SAMHD1: variants seen among roughly 807,000 people sequenced by gnomAD.
SAMHD1 encodes SAM and HD domain containing deoxynucleoside triphosphate triphosphohydrolase 1.
Under a neutral mutation model 79.6 loss-of-function variants are expected in SAMHD1, and 54 were observed. The ratio of observed to expected loss-of-function variants is 0.68; its 90% CI spans 0.55 to 0.85. The LOEUF (loss-of-function observed/expected upper bound fraction) is 0.85. Ranked by LOEUF, SAMHD1 falls within the 40% of genes least tolerant of loss-of-function variation. The probability of loss-of-function intolerance (pLI) is 0.00; values close to 1 mark genes in which losing one functional copy is unlikely to be tolerated. For missense variants in SAMHD1, 663 were observed against 782.7 expected, an observed-to-expected ratio of 0.85 and a Z score of 1.82; for synonymous variants, 260 against 264.1, an observed-to-expected ratio of 0.98 and a Z score of 0.15.
In SAMHD1 at chr20:36,892,802, T is replaced by C; in HGVS notation, c.*130A>G. 1 of 1,182,000 alleles carries C rather than the reference T, an allele frequency of 8.5e-7. No homozygotes were observed. Among genetic ancestry groups the C allele is most frequent in the South Asian group, 1.2e-5 (1 of 81,502 alleles). The allele number at this position is 1,182,000 out of a possible 1,614,324, so 73.2% of individuals were successfully genotyped here. Reference sequence around the variant, plus strand: ...TTTCTTTGATTAAAAGTTACTTAGCTTCAGCATGCGTGTACATTCAAAATA... The same window carrying C: ...TTTCTTTGATTAAAAGTTACTTAGCCTCAGCATGCGTGTACATTCAAAATA... On this transcript the variant is annotated 3_prime_UTR_variant, in exon 16 of 16. Coordinates refer to ENST00000646673, the MANE Select transcript of SAMHD1 (RefSeq NM_015474.4).
At chr20:36,900,130 A>G (rs1479542943) in intron 13 of SAMHD1, among the ~76,000 whole-genome samples, 3 of 152,070 alleles carry the variant, frequency 2.0e-5, no homozygotes, top group African/African-American at 7.2e-5. Flanking sequence ...GGCAACTCTT[A>G]GAACTTTGGC....
intron 4 of SAMHD1, among the ~76,000 whole-genome samples, chr20:36,932,352 CAAAAAAAAAAAA>C (rs71186091): frequency 2.9e-5 from 1 of 34,180 alleles, no homozygotes; most frequent in African/African-American, 1.5e-4. Flanking sequence ...ACTCCGTCTC[CAAAAAAAAAAAA>C]AAAAAAAAAG....
intron 13 of SAMHD1, chr20:36,903,831 G>C: frequency 4.5e-6 from 1 of 223,870 alleles, no homozygotes; most frequent in Non-Finnish European, 8.9e-6. Flanking sequence ...GATTACAGGC[G>C]TGAGCCACCG....
chr20:36,948,504 C>T (rs1174212945), intron 1 of SAMHD1, among the ~76,000 whole-genome samples: 6 of 151,840 alleles, frequency 4.0e-5, no homozygotes, highest in East Asian at 2.0e-4. Context: ...CTACCTGCTT[C>T]GGCCTTCCAA....
chr20:36,898,595 C>T, intron 13 of SAMHD1, 51 bp from the exon 14 acceptor site: 1 of 1,381,408 alleles, frequency 7.2e-7, no homozygotes, highest in Non-Finnish European at 1.0e-6. Context: ...GAGAACTGAA[C>T]TCAGGGCTGT....
rs71186089 is a variant in SAMHD1 at position 36,912,889 on chromosome 20, G to GTTTTTTT, written c.1063-344_1063-338dup. 3.6e-3 allele frequency among the ~76,000 whole-genome samples: 149 copies of GTTTTTTT among 41,096 alleles called. 41 individuals are homozygous for GTTTTTTT. Among genetic ancestry groups the GTTTTTTT allele is most frequent in the African/African-American group, 0.012 (113 of 9,538 alleles). 27.0% of individuals were successfully genotyped at this position (41,096 alleles called of 152,430 possible). A position where few individuals can be genotyped will look rare whatever the true frequency, so the allele number is the denominator to read the frequency against. On this transcript the variant is annotated intron_variant, in intron 9 of 15. Coordinates refer to ENST00000646673, the MANE Select transcript of SAMHD1 (RefSeq NM_015474.4). ...TGTACCCAGCTAACTTTCATTCTTT[G>GTTTTTTT]TTTTTTTTTTTTTTTTTTTTTTTTT...
At chr20:36,897,504 C>A in intron 15 of SAMHD1, 1 of 401,738 alleles carries the variant, frequency 2.5e-6, no homozygotes, top group Non-Finnish European at 4.7e-6. Flanking sequence ...CTTTGGTAAC[C>A]TCTGAAAGAT....
In SAMHD1 at chr20:36,933,313, T is replaced by C. The variant is rs186583501; in HGVS notation, c.509+1716A>G. Reference sequence around the variant, plus strand: ...ACCAACGTCTCAGCTTAGTTGTATGTAACAGAGGCATCGCCTTCTCTAAGA... The same window carrying C: ...ACCAACGTCTCAGCTTAGTTGTATGCAACAGAGGCATCGCCTTCTCTAAGA... On this transcript the variant is annotated intron_variant, in intron 4 of 15. Transcript: ENST00000646673. 1.9e-3 allele frequency among the ~76,000 whole-genome samples: 287 copies of C among 152,316 alleles called. 1 individual carries two copies. Among genetic ancestry groups the C allele is most frequent in the African/African-American group, 6.4e-3 (267 of 41,566 alleles).
chr20:36,906,943 C>T (rs2063408489), intron 11 of SAMHD1, among the ~76,000 whole-genome samples: 1 of 151,822 alleles, frequency 6.6e-6, no homozygotes, highest in Admixed American at 6.6e-5. Flanking sequence ...AGGTACATGC[C>T]ACCACACCCA....
chr20:36,940,876 T>A, intron 3 of SAMHD1, 163 bp downstream of exon 3: 1 of 647,130 alleles, frequency 1.5e-6, no homozygotes, highest in Non-Finnish European at 2.8e-6. Context: ...ATTTAAATAC[T>A]CTGTGCTCAT....
At chr20:36,951,325 G>A (rs2063732939) in intron 1 of SAMHD1, 111 bp downstream of exon 1, 1 of 1,489,224 alleles carries the variant, frequency 6.7e-7, no homozygotes, top group Non-Finnish European at 9.1e-7. Context: ...GCCTCCCGCC[G>A]CAGGGCTCGC....
chr20:36,934,285 G>T (rs1387971669), intron 4 of SAMHD1, among the ~76,000 whole-genome samples: 2 of 150,916 alleles, frequency 1.3e-5, no homozygotes, highest in Non-Finnish European at 3.0e-5. Flanking sequence ...CAGTACTTTG[G>T]GAGGCCGAGG....
intron 6 of SAMHD1, 101 bp downstream of exon 6, chr20:36,927,081 G>T: frequency 2.0e-6 from 2 of 1,015,888 alleles, no homozygotes; most frequent in Non-Finnish European, 3.1e-6. Context: ...TAATGGGGAA[G>T]TATTTTATAA....
At position 36,942,721 on chromosome 20, in the gene SAMHD1, A is replaced by G. The variant is rs573400199; in HGVS notation, c.276-1610T>C. 4.0e-5 allele frequency among the ~76,000 whole-genome samples: 6 copies of G among 151,538 alleles called. No homozygotes were observed. In the East Asian group the frequency reaches 9.8e-4, roughly 25 times the overall value. The stretch of plus-strand genomic sequence containing the variant: ...GAGTGCAGTGACGTGATCTCGGCTC[A>G]CTGCAAGCTCCACCTCCCGGGTTCA... On this transcript the variant is annotated intron_variant, in intron 2 of 15. Coordinates refer to ENST00000646673, the MANE Select transcript of SAMHD1 (RefSeq NM_015474.4).
At chr20:36,929,232 A>G (rs1413867079) in intron 5 of SAMHD1, among the ~76,000 whole-genome samples, 2 of 152,026 alleles carry the variant, frequency 1.3e-5, no homozygotes, top group African/African-American at 4.8e-5. Context: ...CCAAGAATCC[A>G]TCAAATTTAT....
intron 13 of SAMHD1, among the ~76,000 whole-genome samples, chr20:36,902,175 T>C (rs1441233912): frequency 2.0e-5 from 3 of 152,004 alleles, no homozygotes; most frequent in African/African-American, 7.2e-5. Context: ...ATGATGATGA[T>C]GATTATTAGT....
At chr20:36,910,066 T>C (rs375432064) in intron 11 of SAMHD1, among the ~76,000 whole-genome samples, 3 of 151,250 alleles carry the variant, frequency 2.0e-5, no homozygotes, top group South Asian at 2.1e-4. Flanking sequence ...CTACTAAAAA[T>C]ACAAAAATTA....
rs1051223670 is a variant in SAMHD1 at position 36,893,011 on chromosome 20, C to T, written c.1802G>A (p.Ser601Asn). ...GCGAGTTGGATTTTGGACTGAAGTA[C>T]TGTCGTTCCATTCCTTTTTTTGAGG... The part of the protein sequence containing the change: ...ITPQKKEWND[S>N]TSVQNPTRLR... The change falls in exon 16 of 16, where the codon AGT (serine) becomes AAT (asparagine). Residue 601 changes from serine to asparagine, a missense_variant. Physicochemically the swap from Ser to Asn is conservative, Grantham distance 46 (BLOSUM62 1). Coordinates refer to ENST00000646673, the MANE Select transcript of SAMHD1 (RefSeq NM_015474.4). The T allele has an allele frequency of 6.2e-7, 1 of 1,613,978 alleles. No individual in the cohort carries two copies. Among genetic ancestry groups the T allele is most frequent in the Non-Finnish European group, 8.5e-7 (1 of 1,180,000 alleles).
intron 1 of SAMHD1, among the ~76,000 whole-genome samples, chr20:36,950,930 A>T (rs560183923): frequency 6.6e-6 from 1 of 152,268 alleles, no homozygotes; most frequent in African/African-American, 2.4e-5. Context: ...GTGTTCAAGG[A>T]GCTGCGGTTA....
Sources: allele counts gnomAD v4.1 joint callset (sites outside exome capture counted in the v4.1 genomes callset), GRCh38; gene constraint gnomAD v4.1.1; transcripts MANE v1.5; gene names NCBI Gene and HGNC (gene_info 2026-07-23, HGNC 2026-07-21).